The following TFRC variants were observed in gnomAD, a reference collection of about 807,000 sequenced individuals.
TFRC encodes the protein transferrin receptor.
TFRC carries 35 observed loss-of-function variants against 85.8 expected under a neutral mutation model. That is an observed-to-expected ratio of 0.41 (90% CI 0.31 to 0.54). TFRC has a LOEUF of 0.54. Among genes scored for constraint, TFRC ranks in the 20% least tolerant of loss-of-function variants. The pLI, the probability that TFRC is intolerant of heterozygous loss-of-function variation, is 0.31. For synonymous variants in TFRC, 362 were observed against 328.6 expected, an observed-to-expected ratio of 1.10 and a Z score of -1.10; for missense variants, 828 against 921.5, an observed-to-expected ratio of 0.90 and a Z score of 1.31.
At chr3:196,072,212 C>T in intron 4 of TFRC, 60 bp from the exon 5 acceptor site, 2 of 1,583,806 alleles carry the variant, frequency 1.3e-6, no homozygotes, top group Non-Finnish European at 1.7e-6. Context: ...ACATTTAAGT[C>T]AAGGATTAAA....
Position 196,069,462 on chromosome 3 carries a change from G to A in TFRC, c.794C>T (p.Ala265Val), listed in dbSNP as rs1275742257. Residue 265 changes from alanine (A) to valine (V), a missense_variant, in exon 7 of 19, where the codon GCA (alanine) becomes GTA (valine). By Grantham distance (64) the Ala-to-Val change is moderately conservative. Transcript: ENST00000360110. ...ATAATAACTCATACTCACCTTTTCT[G>A]CAAAGGTGATTTTCCCTGCTCTGAC... ...VIVRAGKITF[A>V]EKVANAESLN... 3.1e-6 allele frequency: 5 copies of A among 1,598,632 alleles called. No individual in the cohort carries two copies. The highest frequency in any genetic ancestry group is 1.7e-6 in the Non-Finnish European group (2 of 1,166,966).
Position 196,062,953 on chromosome 3 carries a change from A to T in TFRC, c.1319-14T>A. 8 of 1,612,928 alleles carry T rather than the reference A, an allele frequency of 5.0e-6. No individual in the cohort carries two copies. Among genetic ancestry groups the T allele is most frequent in the Non-Finnish European group, 6.8e-6 (8 of 1,179,128 alleles). On this transcript the variant is annotated splice_polypyrimidine_tract_variant and intron_variant, in intron 11 of 18. Transcript: ENST00000360110. ...GCTGAAACCCATCTGAAAGAGAAAA[A>T]AGTTAGCTTTACCTGAGGAAAGGTT...
chr3:196,081,063 G>C (rs1030577946), intron 1 of TFRC, among the ~76,000 whole-genome samples: 2 of 152,170 alleles, frequency 1.3e-5, no homozygotes, highest in African/African-American at 4.8e-5. Context: ...GAAAAGAGCC[G>C]AATCAGAATG....
chr3:196,076,922 T>C (rs1718752627), intron 2 of TFRC, 142 bp downstream of exon 2: 2 of 732,262 alleles, frequency 2.7e-6, no homozygotes, highest in Non-Finnish European at 4.6e-6. Context: ...GTGAGATCAG[T>C]TATGCCTCAA....
chr3:196,074,913 C>T (rs1718531496), intron 3 of TFRC, among the ~76,000 whole-genome samples: 1 of 145,454 alleles, frequency 6.9e-6, no homozygotes, highest in Admixed American at 6.9e-5. Context: ...CAGGTGTGGT[C>T]GTGGGCGCCT....
In TFRC at chr3:196,058,559, CT is replaced by C. The variant is rs755615147; in HGVS notation, c.1595+14del. 3.1e-6 allele frequency: 5 copies of C among 1,607,214 alleles called. No individual in the cohort carries two copies. The highest frequency in any genetic ancestry group is 4.2e-6 in the Non-Finnish European group (5 of 1,177,668). ...GCTTTTCTATTAGTTTGTTCATTCA[CT>C]TTTCTCAACTTACACTTTGCTGGCC... On this transcript the variant is annotated intron_variant, in intron 15 of 18. Transcript: ENST00000360110.
At position 196,064,368 on chromosome 3, in the gene TFRC, C is replaced by G; in HGVS notation, c.1259G>C (p.Gly420Ala). The G allele has an allele frequency of 6.2e-7, 1 of 1,613,832 alleles. No individual in the cohort carries two copies. Among genetic ancestry groups the G allele is most frequent in the Non-Finnish European group, 8.5e-7 (1 of 1,179,914 alleles). ...TTTCAATAGGAGAGCTGTGCCTACA[C>G]CGGATTTTGCAGCTCCAGGGCCCCA... Reference protein sequence around the residue: ...DAWGPGAAKSGVGTALLLKLA... With the variant: ...DAWGPGAAKSAVGTALLLKLA... The change falls in exon 11 of 19, where the codon GGT becomes GCT. Residue 420 changes from glycine (G) to alanine (A), a missense_variant. Gly to Ala is a moderately conservative substitution (Grantham distance 60). Coordinates refer to ENST00000360110, the MANE Select transcript of TFRC (RefSeq NM_001128148.3).
chr3:196,073,908 T>A, intron 4 of TFRC, 22 bp downstream of exon 4: 1 of 1,604,468 alleles, frequency 6.2e-7, no homozygotes. Flanking sequence ...GTCTAGATAC[T>A]TGCACAGCAG....
At chr3:196,068,568 G>A (rs2300773) in intron 7 of TFRC, among the ~76,000 whole-genome samples, 68,555 of 135,056 alleles carry the variant, frequency 0.51, 18,267 homozygotes, top group Middle Eastern at 0.65. Flanking sequence ...CCAAAATTGC[G>A]CCACTGCACT....
rs1718587665 is a variant in TFRC at position 196,075,287 on chromosome 3, T to C, written c.110A>G (p.Glu37Gly). ...TTCTTCATCTACAGCAAGTTTCATC[T>C]CCACATGACTGTTATCGCCATCTAC... Reference protein sequence around the residue: ...RQVDGDNSHVEMKLAVDEEEN... With the variant: ...RQVDGDNSHVGMKLAVDEEEN... The change falls in exon 3 of 19, where the codon GAG becomes GGG. Residue 37 changes from glutamate (E) to glycine (G), a missense_variant. Physicochemically the swap from Glu to Gly is moderately conservative, Grantham distance 98. Transcript: ENST00000360110. The C allele has an allele frequency of 1.2e-6, 2 of 1,614,158 alleles. No individual in the cohort carries two copies. Among genetic ancestry groups the C allele is most frequent in the Non-Finnish European group, 1.7e-6 (2 of 1,180,028 alleles).
intron 15 of TFRC, 61 bp downstream of exon 15, chr3:196,058,513 A>T (rs1717007387): frequency 6.6e-7 from 1 of 1,522,818 alleles, no homozygotes; most frequent in East Asian, 2.3e-5. Context: ...GATTCTACCT[A>T]ATGTAGTAGG....
At position 196,072,149 on chromosome 3, in the gene TFRC, C is replaced by T; in HGVS notation, c.438G>A (p.Leu146=). 1.2e-6 allele frequency: 2 copies of T among 1,613,242 alleles called. No individual in the cohort carries two copies. The highest frequency in any genetic ancestry group is 1.7e-6 in the Non-Finnish European group (2 of 1,179,794). ...GAGGGACATATGAATTTTCATTCAG[C>T]AGCCTGGAGGAGAAAATGCCTTTTA... The part of the protein sequence containing the change: ...DSTDFTGTIK[L]LNENSYVPRE... Residue 146 remains leucine (L), a synonymous_variant, in exon 5 of 19, where the codon CTG becomes CTA. Coordinates refer to ENST00000360110, the MANE Select transcript of TFRC (RefSeq NM_001128148.3).
rs186601700 is a variant in TFRC at position 196,057,345 on chromosome 3, C to T, written c.1677+939G>A. Among the ~76,000 whole-genome samples, 6 of 152,216 alleles carry T rather than the reference C, an allele frequency of 3.9e-5. No homozygotes were observed. The East Asian group carries it at 1.2e-3, about 29-fold the overall frequency. ...TGCATGCAACCCCCAGTCACGTACCCCCTGCTTGCCCAATTGATCACGACC... is the reference window on the plus strand; with the variant it reads ...TGCATGCAACCCCCAGTCACGTACCTCCTGCTTGCCCAATTGATCACGACC... On this transcript the variant is annotated intron_variant, in intron 16 of 18. Coordinates refer to ENST00000360110, the MANE Select transcript of TFRC (RefSeq NM_001128148.3).
intron 17 of TFRC, 122 bp downstream of exon 17, chr3:196,054,958 A>G: frequency 1.0e-6 from 1 of 967,454 alleles, no homozygotes; most frequent in South Asian, 1.5e-5. Flanking sequence ...ATTATACCTC[A>G]GTTCACTTTA....
intron 7 of TFRC, 38 bp downstream of exon 7, chr3:196,069,417 A>G: frequency 8.1e-7 from 1 of 1,235,710 alleles, no homozygotes; most frequent in Non-Finnish European, 1.2e-6. Context: ...TAAGATACCA[A>G]AAGTACTGTA....
chr3:196,073,876 T>G, intron 4 of TFRC, 54 bp downstream of exon 4: 1 of 1,548,576 alleles, frequency 6.5e-7, no homozygotes, highest in Non-Finnish European at 8.8e-7. Flanking sequence ...CCCCGTGGCC[T>G]ATCATAATTC....
chr3:196,075,613 G>GAGTA (rs1380111029), intron 2 of TFRC, among the ~76,000 whole-genome samples: 2 of 151,334 alleles, frequency 1.3e-5, no homozygotes, highest in African/African-American at 4.9e-5. Context: ...TCCCAGGATG[G>GAGTA]AGTACAGTGG....
In TFRC at chr3:196,065,554, ATGTAGAGTC is replaced by A; in HGVS notation, c.1078_1086del (p.Asp360_Thr362del). On this transcript the variant is annotated inframe_deletion, in exon 10 of 19. Transcript: ENST00000360110. ...TTGCTTTCTGAGGTTACCATCCTACATGTAGAGTCTGTTTTCCAGTCAGAGGGACAGTCT... is the reference window on the plus strand; with the variant it reads ...TTGCTTTCTGAGGTTACCATCCTACATGTTTTCCAGTCAGAGGGACAGTCT... The A allele has an allele frequency of 6.2e-7, 1 of 1,612,350 alleles. No homozygotes were observed. Among genetic ancestry groups the A allele is most frequent in the Non-Finnish European group, 8.5e-7 (1 of 1,179,612 alleles).
chr3:196,075,046 CAAAAA>C (rs56119775), intron 3 of TFRC, 108 bp downstream of exon 3: 145 of 534,864 alleles, frequency 2.7e-4, no homozygotes, highest in East Asian at 7.0e-4. Context: ...CCTCTGTCTC[CAAAAA>C]AAAAAAAAAA....
Sources: gnomAD v4.1 joint callset for allele counts (sites outside exome capture counted in the v4.1 genomes callset) on GRCh38, gnomAD v4.1.1 for gene constraint, MANE v1.5 for transcripts, NCBI Gene and HGNC (gene_info 2026-07-23, HGNC 2026-07-21) for gene names.